SAMD5: variants seen among roughly 807,000 people sequenced by gnomAD.
The protein encoded by SAMD5 is sterile alpha motif domain containing 5.
A neutral mutation model predicts 11.3 loss-of-function variants in SAMD5; 13 were observed. The ratio of observed to expected loss-of-function variants is 1.15; its 90% CI spans 0.75 to 1.83. SAMD5 has a LOEUF of 1.83. Ranked by LOEUF, SAMD5 falls within the 40% of genes most tolerant of loss-of-function variation. The pLI, the probability that SAMD5 is intolerant of heterozygous loss-of-function variation, is 0.00. For missense variants in SAMD5, 255 were observed against 239.1 expected (o/e 1.07, Z -0.44); for synonymous variants, 129 against 111.3 (o/e 1.16, Z -1.00).
intron 1 of SAMD5, among the ~76,000 whole-genome samples, chr6:147,680,506 ATTTC>A (rs1790926181): frequency 6.6e-6 from 1 of 151,916 alleles, no homozygotes; most frequent in African/African-American, 2.4e-5. Context: ...GATGCCCTTT[ATTTC>A]TTTTGCTTAT....
the SAMD5 span, among the ~76,000 whole-genome samples, chr6:147,849,316 A>G: frequency 7.2e-5 from 11 of 152,236 alleles, no homozygotes; most frequent in African/African-American, 2.6e-4. Flanking sequence ...TATAATCAAA[A>G]AGAGGCAAAG....
At chr6:147,673,428 T>C (rs1312374225) in intron 1 of SAMD5, among the ~76,000 whole-genome samples, 1 of 152,160 alleles carries the variant, frequency 6.6e-6, no homozygotes, top group African/African-American at 2.4e-5. Flanking sequence ...TTAGCCAGGA[T>C]GGTCTTGATC....
intron 1 of SAMD5, among the ~76,000 whole-genome samples, chr6:147,595,364 A>T (rs1185151644): frequency 6.6e-6 from 1 of 152,144 alleles, no homozygotes; most frequent in Admixed American, 6.5e-5. Context: ...TGAAACTTAG[A>T]ATAACTTTCC....
At chr6:147,829,280 G>A in the SAMD5 span, among the ~76,000 whole-genome samples, 2 of 152,208 alleles carry the variant, frequency 1.3e-5, no homozygotes, top group Admixed American at 6.5e-5. Context: ...GTGTGACCTG[G>A]CAACTGTGCC....
chr6:147,950,059 A>G, the SAMD5 span, among the ~76,000 whole-genome samples: 1 of 152,242 alleles, frequency 6.6e-6, no homozygotes, highest in South Asian at 2.1e-4. Flanking sequence ...AAAAACAGAT[A>G]GAAAACCAAG....
the SAMD5 span, among the ~76,000 whole-genome samples, chr6:147,783,748 G>A: frequency 1.1e-3 from 169 of 152,220 alleles, 1 homozygote; most frequent in Non-Finnish European, 1.8e-4. Context: ...TGGTTAGCTT[G>A]TAATGAGATT....
the SAMD5 span, among the ~76,000 whole-genome samples, chr6:147,889,593 G>A: frequency 6.6e-6 from 1 of 152,066 alleles, no homozygotes; most frequent in Non-Finnish European, 1.5e-5. Context: ...AAATATTCTT[G>A]AGCTTTGTTC....
downstream of SAMD5, among the ~76,000 whole-genome samples, chr6:147,742,092 G>A (rs11155525): frequency 0.03 from 4,532 of 152,150 alleles, 213 homozygotes; most frequent in African/African-American, 0.1. Flanking sequence ...ACCATGGCCT[G>A]TTTGTGTCAT....
At chr6:147,939,561 A>T in the SAMD5 span, among the ~76,000 whole-genome samples, 1 of 152,320 alleles carries the variant, frequency 6.6e-6, no homozygotes, top group African/African-American at 2.4e-5. Context: ...GACAAAGACA[A>T]AATATGTATT....
At chr6:147,921,096 T>C in the SAMD5 span, among the ~76,000 whole-genome samples, 1 of 152,076 alleles carries the variant, frequency 6.6e-6, no homozygotes, top group South Asian at 2.1e-4. Context: ...GAACCAGACA[T>C]TGGTCCAGAA....
intron 1 of SAMD5, among the ~76,000 whole-genome samples, chr6:147,627,031 G>A (rs1317047471): frequency 6.6e-6 from 1 of 152,074 alleles, no homozygotes; most frequent in Non-Finnish European, 1.5e-5. Context: ...TTTGCTAATG[G>A]CATGAAGGCA....
the SAMD5 span, among the ~76,000 whole-genome samples, chr6:147,909,205 C>G: frequency 6.6e-6 from 1 of 152,086 alleles, no homozygotes; most frequent in Admixed American, 6.5e-5. Context: ...CCTGCAACAA[C>G]AACAAAAAAA....
chr6:147,688,743 A>T (rs1459859967), intron 1 of SAMD5, among the ~76,000 whole-genome samples: 1 of 152,190 alleles, frequency 6.6e-6, no homozygotes, highest in African/African-American at 2.4e-5. Context: ...TTTGCTTGTT[A>T]AGTCTTTGCT....
intron 1 of SAMD5, among the ~76,000 whole-genome samples, chr6:147,669,508 A>G (rs1157350565): frequency 7.0e-6 from 1 of 142,324 alleles, no homozygotes; most frequent in Non-Finnish European, 1.5e-5. Flanking sequence ...GCTCACTGCA[A>G]CCTCTGCTTC....
intron 1 of SAMD5, among the ~76,000 whole-genome samples, chr6:147,727,216 G>A (rs1791641475): frequency 1.3e-5 from 2 of 152,116 alleles, no homozygotes; most frequent in African/African-American, 4.8e-5. Flanking sequence ...AGATCATGCA[G>A]TTGCACAAAC....
At chr6:147,865,237 T>C in the SAMD5 span, among the ~76,000 whole-genome samples, 41,152 of 151,048 alleles carry the variant, frequency 0.27, 5,702 homozygotes, top group Non-Finnish European at 0.29. Flanking sequence ...CAGACTGTGA[T>C]GTGTGTGTGT....
intron 1 of SAMD5, among the ~76,000 whole-genome samples, chr6:147,586,930 T>G (rs1462889051): frequency 1.3e-5 from 2 of 152,158 alleles, no homozygotes; most frequent in Non-Finnish European, 2.9e-5. Context: ...ATATTAACAC[T>G]AATTCCATTG....
At chr6:147,613,019 T>C (rs1789808634) in intron 1 of SAMD5, among the ~76,000 whole-genome samples, 2 of 152,204 alleles carry the variant, frequency 1.3e-5, no homozygotes, top group African/African-American at 4.8e-5. Context: ...GCTAATATGG[T>C]GAAACCCTGT....
At chr6:147,804,013 T>C in the SAMD5 span, among the ~76,000 whole-genome samples, 1 of 152,208 alleles carries the variant, frequency 6.6e-6, no homozygotes, top group Non-Finnish European at 1.5e-5. Flanking sequence ...GAAAGCTTTT[T>C]TCACACTTCT....
Sources: gnomAD v4.1 joint callset for allele counts (sites outside exome capture counted in the v4.1 genomes callset) on GRCh38, gnomAD v4.1.1 for gene constraint, MANE v1.5 for transcripts, NCBI Gene and HGNC (gene_info 2026-07-23, HGNC 2026-07-21) for gene names.